The following RALGPS1 variants were observed in gnomAD, a reference collection of about 807,000 sequenced individuals.
RALGPS1 encodes ras-specific guanine nucleotide-releasing factor RalGPS1.
A neutral mutation model predicts 78.8 loss-of-function variants in RALGPS1; 19 were observed. The ratio of observed to expected loss-of-function variants is 0.24; its 90% CI spans 0.17 to 0.35. The LOEUF (loss-of-function observed/expected upper bound fraction) is 0.35. RALGPS1 is among the 10% of genes least tolerant of loss of function. RALGPS1 has a pLI of 1.00. For missense variants in RALGPS1, 454 were observed against 688.3 expected (o/e 0.66, Z 3.81); for synonymous variants, 228 against 256.3 (o/e 0.89, Z 1.06).
intron 8 of RALGPS1, among the ~76,000 whole-genome samples, chr9:127,073,820 T>C (rs1298829302): frequency 1.3e-5 from 2 of 152,184 alleles, no homozygotes; most frequent in Admixed American, 6.5e-5. Context: ...ATTGTGGTTT[T>C]GATTCATTTG....
intron 7 of RALGPS1, among the ~76,000 whole-genome samples, chr9:127,056,290 C>T (rs749229295): frequency 3.9e-5 from 6 of 152,136 alleles, no homozygotes; most frequent in Non-Finnish European, 8.8e-5. Context: ...TACAGAGAGC[C>T]ACTTACCAGA....
chr9:127,121,798 A>C (rs1348053302), intron 8 of RALGPS1, among the ~76,000 whole-genome samples: 2 of 152,014 alleles, frequency 1.3e-5, no homozygotes, highest in African/African-American at 2.4e-5. Flanking sequence ...GGGTGTGAGC[A>C]GAGGCAGCCC....
chr9:127,200,708 G>A (rs1048208092), intron 14 of RALGPS1, among the ~76,000 whole-genome samples: 5 of 152,202 alleles, frequency 3.3e-5, no homozygotes, highest in East Asian at 3.8e-4. Flanking sequence ...GAGCCACCCC[G>A]GCAGTGGGGA....
At chr9:127,140,073 T>C (rs1415598985) in intron 8 of RALGPS1, among the ~76,000 whole-genome samples, 1 of 152,152 alleles carries the variant, frequency 6.6e-6, no homozygotes, top group East Asian at 1.9e-4. Context: ...TTTTGTATAT[T>C]ATTATTATTG....
intron 4 of RALGPS1, among the ~76,000 whole-genome samples, chr9:126,986,985 C>G (rs2041861039): frequency 6.6e-6 from 1 of 152,174 alleles, no homozygotes; most frequent in African/African-American, 2.4e-5. Flanking sequence ...AAGCAAGCTC[C>G]TAGTCATGCG....
Position 127,186,202 on chromosome 9 carries a change from C to T in RALGPS1, c.911-8889C>T, listed in dbSNP as rs2060632220. The stretch of plus-strand genomic sequence containing the variant: ...TTTCAACATGATATCTCGTTCCCCA[C>T]AGAGACTGTCAGTTCTCATATGTTC... On this transcript the variant is annotated intron_variant, in intron 11 of 18. Transcript: ENST00000259351. Among the ~76,000 whole-genome samples, 4 of 152,202 alleles carry T rather than the reference C, an allele frequency of 2.6e-5. No individual in the cohort carries two copies. In the South Asian group the frequency reaches 8.3e-4, roughly 31 times the overall value.
intron 5 of RALGPS1, among the ~76,000 whole-genome samples, chr9:127,041,506 A>G (rs1187816084): frequency 1.3e-5 from 2 of 152,140 alleles, no homozygotes; most frequent in Non-Finnish European, 2.9e-5. Flanking sequence ...CCAGCAACTG[A>G]TATTGTCAGC....
At chr9:127,213,432 C>T (rs2062396001) in intron 17 of RALGPS1, among the ~76,000 whole-genome samples, 1 of 152,224 alleles carries the variant, frequency 6.6e-6, no homozygotes, top group Non-Finnish European at 1.5e-5. Context: ...TGCCATAAGA[C>T]TCTGGCAGTG....
intron 14 of RALGPS1, among the ~76,000 whole-genome samples, chr9:127,201,522 A>C (rs190534158): frequency 2.3e-4 from 35 of 152,290 alleles, no homozygotes; most frequent in South Asian, 8.3e-4. Flanking sequence ...ACACTCGCAA[A>C]AGCAAAGGAG....
intron 4 of RALGPS1, among the ~76,000 whole-genome samples, chr9:127,006,503 A>G (rs975726872): frequency 1.3e-5 from 2 of 152,196 alleles, no homozygotes; most frequent in Non-Finnish European, 2.9e-5. Context: ...GGTTGACCAA[A>G]TGTCAAGGAG....
chr9:126,925,836 C>A (rs1481950894), intron 1 of RALGPS1, among the ~76,000 whole-genome samples: 2 of 152,142 alleles, frequency 1.3e-5, no homozygotes, highest in Admixed American at 6.5e-5. Flanking sequence ...TAAGCTGACA[C>A]CTGAAAGATG....
chr9:126,983,698 C>T (rs1481537625), intron 4 of RALGPS1, among the ~76,000 whole-genome samples: 3 of 152,066 alleles, frequency 2.0e-5, no homozygotes, highest in African/African-American at 7.2e-5. Context: ...CATCCTCCCT[C>T]TCCTCCCTCA....
intron 8 of RALGPS1, among the ~76,000 whole-genome samples, chr9:127,111,099 C>G (rs917046827): frequency 6.6e-6 from 1 of 152,194 alleles, no homozygotes; most frequent in African/African-American, 2.4e-5. Flanking sequence ...CCCCTCTCCC[C>G]TACGATCATC....
intron 7 of RALGPS1, among the ~76,000 whole-genome samples, chr9:127,062,507 C>G (rs139180152): frequency 6.6e-6 from 1 of 152,164 alleles, no homozygotes; most frequent in Non-Finnish European, 1.5e-5. Context: ...TAAGATATTA[C>G]AACCGTATCA....
At chr9:126,978,589 A>G (rs554059628) in intron 4 of RALGPS1, among the ~76,000 whole-genome samples, 39 of 150,758 alleles carry the variant, frequency 2.6e-4, no homozygotes, top group African/African-American at 9.3e-4. Context: ...AGCCTGGACA[A>G]AAGAGCGAGA....
chr9:126,991,578 A>G (rs1336717159), intron 4 of RALGPS1, among the ~76,000 whole-genome samples: 2 of 152,174 alleles, frequency 1.3e-5, no homozygotes, highest in Admixed American at 1.3e-4. Context: ...CATAGGAACA[A>G]CTACATGATC....
intron 8 of RALGPS1, among the ~76,000 whole-genome samples, chr9:127,128,621 C>G (rs1243954537): frequency 6.6e-6 from 1 of 152,196 alleles, no homozygotes. Flanking sequence ...AAGCCTCCAT[C>G]AGTCCAGATT....
At chr9:127,079,826 T>G (rs2051009997) in intron 8 of RALGPS1, 1 of 152,190 alleles carries the variant, frequency 6.6e-6, no homozygotes, top group Admixed American at 6.5e-5. Flanking sequence ...CCACAGAAAC[T>G]GCAAGACAAT....
chr9:126,943,228 C>T (rs13284900), intron 1 of RALGPS1, among the ~76,000 whole-genome samples: 20,583 of 152,096 alleles, frequency 0.14, 1,731 homozygotes, highest in Middle Eastern at 0.26. Flanking sequence ...CTGCAACCTC[C>T]ACCTCCTGGA....
Sources: allele counts gnomAD v4.1 joint callset (sites outside exome capture counted in the v4.1 genomes callset), GRCh38; gene constraint gnomAD v4.1.1; transcripts MANE v1.5; gene names NCBI Gene and HGNC (gene_info 2026-07-23, HGNC 2026-07-21).